The following TPSG1 variants were observed in gnomAD, a reference collection of about 807,000 sequenced individuals.
TPSG1 encodes tryptase gamma 1, also known as tryptase gamma.
Under a neutral mutation model 23.8 loss-of-function variants are expected in TPSG1, and 43 were observed. That is an observed-to-expected ratio of 1.81 (90% CI 1.42 to 2.33). The LOEUF (loss-of-function observed/expected upper bound fraction) is 2.33. Among genes scored for constraint, TPSG1 ranks in the 30% most tolerant of loss-of-function variants. The pLI, the probability that TPSG1 is intolerant of heterozygous loss-of-function variation, is 0.00. For synonymous variants in TPSG1, 302 were observed against 201.3 expected (o/e 1.50, Z -4.23); for missense variants, 623 against 438.6 (o/e 1.42, Z -3.75).
Position 1,224,568 on chromosome 16 carries a change from C to T in TPSG1, c.73+34G>A, listed in dbSNP as rs778240773. On this transcript the variant is annotated intron_variant, in intron 2 of 5. Transcript: ENST00000234798. ...CCCTCCTGCCAGGCCTTGCCTGCAC[C>T]CTCCCCCACACCCCACACCTGTCAG... The T allele has an allele frequency of 3.9e-5, 63 of 1,613,206 alleles. No individual in the cohort carries two copies. The African/African-American group carries it at 6.3e-4, about 16-fold the overall frequency.
chr16:1,224,283 C>A (rs1165650694), intron 2 of TPSG1: 1 of 337,696 alleles, frequency 3.0e-6, no homozygotes, highest in East Asian at 6.8e-5. Context: ...CCGGCTCTCC[C>A]ACACGGCAAA....
intron 3 of TPSG1, 72 bp from the exon 4 acceptor site, chr16:1,222,989 C>G: frequency 6.8e-7 from 1 of 1,480,638 alleles, no homozygotes; most frequent in Non-Finnish European, 9.0e-7. Context: ...CCCGCCCAGA[C>G]CCTACCCTTG....
chr16:1,223,495 C>A lies in TPSG1; in HGVS notation c.173G>T (p.Arg58Leu), dbSNP rs192015152. ...TGACCCGCCGCACACGTGCACCCTC[C>A]GCAGGCGGAGGCTGGCCTGCCATGG... ...AWPWQASLRL[R>L]RVHVCGGSLL... Residue 58 changes from arginine to leucine, a missense_variant, in exon 3 of 6, where the codon CGG becomes CTG. Physicochemically the swap from Arg to Leu is moderately radical, Grantham distance 102 (BLOSUM62 -2). Transcript: ENST00000234798. The A allele has an allele frequency of 6.3e-7, 1 of 1,575,032 alleles. No homozygotes were observed.
rs755738194 is a variant in TPSG1 at position 1,223,529 on chromosome 16, C to T, written c.139G>A (p.Gly47Ser). The change falls in exon 3 of 6, where the codon GGC becomes AGC. Residue 47 changes from glycine (G) to serine (S), a missense_variant. Transcript: ENST00000234798. Reference sequence around the variant, plus strand: ...AGGCTGGCCTGCCATGGCCATGCGCCGGCCGGGGCAGCGTGACCCCCCACG... The same window carrying T: ...AGGCTGGCCTGCCATGGCCATGCGCTGGCCGGGGCAGCGTGACCCCCCACG... Reference protein sequence around the residue: ...RIVGGHAAPAGAWPWQASLRL... With the variant: ...RIVGGHAAPASAWPWQASLRL... The T allele has an allele frequency of 2.8e-5, 43 of 1,550,840 alleles. No homozygotes were observed. The highest frequency in any genetic ancestry group is 1.2e-4 in the Admixed American group (6 of 51,130).
rs1445308127 is a variant in TPSG1 at position 1,225,257 on chromosome 16, T to G, written c.-5A>C. On this transcript the variant is annotated 5_prime_UTR_variant, in exon 1 of 6. Transcript: ENST00000234798. ...GCCACAGGCCCCAAGGGCCATGGTGTCTGCCCACTGTAGGGAGAAGGAGGG... is the reference window on the plus strand; with the variant it reads ...GCCACAGGCCCCAAGGGCCATGGTGGCTGCCCACTGTAGGGAGAAGGAGGG... 14 of 1,567,662 alleles carry G rather than the reference T, an allele frequency of 8.9e-6. No homozygotes were observed. The highest frequency in any genetic ancestry group is 1.2e-5 in the Non-Finnish European group (14 of 1,156,542).
chr16:1,223,230 C>T (rs529797520), intron 3 of TPSG1, among the ~76,000 whole-genome samples, 193 bp downstream of exon 3: 1 of 152,346 alleles, frequency 6.6e-6, no homozygotes, highest in Admixed American at 6.5e-5. Context: ...AGCTGTCCAT[C>T]CCTAGAGGTG....
At chr16:1,222,144 C>G in intron 5 of TPSG1, 48 bp from the exon 6 acceptor site, 2 of 1,611,792 alleles carry the variant, frequency 1.2e-6, no homozygotes, top group South Asian at 2.2e-5. Flanking sequence ...ATGGGGAGCC[C>G]CTCCCTGGGC....
chr16:1,223,138 C>T (rs555064481), intron 3 of TPSG1, among the ~76,000 whole-genome samples: 75 of 152,326 alleles, frequency 4.9e-4, no homozygotes, highest in African/African-American at 1.7e-3. Flanking sequence ...GCAGCATGCC[C>T]GACACCAGCA....
chr16:1,222,715 A>G lies in TPSG1; in HGVS notation c.448T>C (p.Ser150Pro). Residue 150 changes from serine to proline, a missense_variant, in exon 4 of 6, where the codon TCA becomes CCA. Transcript: ENST00000234798. ...CGGATCCCAGGGCAGAAGTCATCTG[A>G]GGCCTCCGGGAGGCAGACGGGCAGG... is the stretch of plus-strand genomic sequence containing the variant. ...RILPVCLPEA[S>P]DDFCPGIRCW... 7 of 1,608,144 alleles carry G rather than the reference A, an allele frequency of 4.4e-6. No homozygotes were observed. The highest frequency in any genetic ancestry group is 6.0e-6 in the Non-Finnish European group (7 of 1,176,152).
chr16:1,225,129 C>T (rs1318186732), intron 1 of TPSG1, 78 bp downstream of exon 1: 2 of 1,511,244 alleles, frequency 1.3e-6, no homozygotes, highest in Non-Finnish European at 1.8e-6. Context: ...TCAGACCAGC[C>T]CCCAGTTTCA....
Position 1,224,641 on chromosome 16 carries a change from C to G in TPSG1, c.47-13G>C. ...CTGAGGGACACACCTGTGGGAAAGA[C>G]GAAGGGCCCAGGATGGAGGGGGCTG... On this transcript the variant is annotated splice_polypyrimidine_tract_variant and intron_variant, in intron 1 of 5. Coordinates refer to ENST00000234798, the MANE Select transcript of TPSG1 (RefSeq NM_012467.4). The G allele has an allele frequency of 6.2e-7, 1 of 1,613,738 alleles. No individual in the cohort carries two copies. The highest frequency in any genetic ancestry group is 8.5e-7 in the Non-Finnish European group (1 of 1,179,846).
At chr16:1,222,948 C>T (rs1567565631) in intron 3 of TPSG1, 31 bp from the exon 4 acceptor site, 3 of 1,572,386 alleles carry the variant, frequency 1.9e-6, no homozygotes, top group Admixed American at 3.5e-5. Flanking sequence ...GTGAGAGGGG[C>T]CAGCTGCGGA....
chr16:1,222,602 C>A, intron 4 of TPSG1, 50 bp downstream of exon 4: 1 of 1,516,588 alleles, frequency 6.6e-7, no homozygotes, highest in Non-Finnish European at 8.8e-7. Flanking sequence ...AGCTCTCTTC[C>A]TGCCGCCCTT....
At chr16:1,222,410 C>T in intron 4 of TPSG1, 69 bp from the exon 5 acceptor site, 2 of 1,396,596 alleles carry the variant, frequency 1.4e-6, no homozygotes, top group East Asian at 2.3e-5. Flanking sequence ...GATGGGAGAC[C>T]TTGCCAGACA....
At chr16:1,224,759 T>C in intron 1 of TPSG1, 131 bp from the exon 2 acceptor site, 1 of 1,129,988 alleles carries the variant, frequency 8.8e-7, no homozygotes. Flanking sequence ...GGGCCCGGCC[T>C]GGTGAGGCTG....
rs2029965303 is a variant in TPSG1, at chr16:1,223,536, G to A, written c.132C>T (p.Ala44=). ...CCTGCCATGGCCATGCGCCGGCCGG[G>A]GCAGCGTGACCCCCCACGATCCGGC... ...AGGRIVGGHA[A]PAGAWPWQAS... Residue 44 remains alanine (A), a synonymous_variant, in exon 3 of 6, where the codon GCC becomes GCT. Coordinates refer to ENST00000234798, the MANE Select transcript of TPSG1 (RefSeq NM_012467.4). 1.9e-6 allele frequency: 3 copies of A among 1,549,546 alleles called. No homozygotes were observed. The highest frequency in any genetic ancestry group is 2.6e-6 in the Non-Finnish European group (3 of 1,149,432).
At position 1,221,652 on chromosome 16, in the gene TPSG1, T is replaced by G. The variant is rs1301973679; in HGVS notation, c.*136A>C. On this transcript the variant is annotated 3_prime_UTR_variant, in exon 6 of 6. Transcript: ENST00000234798. Reference sequence around the variant, plus strand: ...GGCCGCGAGATTCCCATTGACACCTTTGTTTCGTGTGCTTTTAAATTCAGG... The same window carrying G: ...GGCCGCGAGATTCCCATTGACACCTGTGTTTCGTGTGCTTTTAAATTCAGG... 1.6e-5 allele frequency: 16 copies of G among 973,872 alleles called. No individual in the cohort carries two copies. Among genetic ancestry groups the G allele is most frequent in the Middle Eastern group, 3.3e-4 (1 of 3,002 alleles). The allele number at this position is 973,872 out of a possible 1,614,324, so 60.3% of individuals were successfully genotyped here.
chr16:1,223,025 C>T (rs35047315), intron 3 of TPSG1, 108 bp from the exon 4 acceptor site: 161,435 of 1,344,784 alleles, frequency 0.12, 11,022 homozygotes, highest in Non-Finnish European at 0.13. Context: ...CAGCTCTTCC[C>T]TCCTAGGCTT....
At chr16:1,224,881 A>T (rs2030063747) in intron 1 of TPSG1, 1 of 600,366 alleles carries the variant, frequency 1.7e-6, no homozygotes, top group South Asian at 2.0e-5. Context: ...CCCGCCCTCC[A>T]GGTCCTGCTC....
Sources: allele counts gnomAD v4.1 joint callset (sites outside exome capture counted in the v4.1 genomes callset), GRCh38; gene constraint gnomAD v4.1.1; transcripts MANE v1.5; gene names NCBI Gene and HGNC (gene_info 2026-07-23, HGNC 2026-07-21).